Variants in TRPM7 observed in about 807,000 individuals in gnomAD.
TRPM7 encodes the protein transient receptor potential cation channel subfamily M member 7.
A neutral mutation model predicts 229.7 loss-of-function variants in TRPM7; 134 were observed. The observed-to-expected ratio is 0.58, with a 90% CI of 0.51 to 0.67. TRPM7 has a LOEUF of 0.67. Among genes scored for constraint, TRPM7 ranks in the 30% least tolerant of loss-of-function variants. The pLI is 0.00. For missense variants in TRPM7, 1,901 were observed against 2,210.0 expected, an observed-to-expected ratio of 0.86 and a Z score of 2.80; for synonymous variants, 699 against 715.2, an observed-to-expected ratio of 0.98 and a Z score of 0.36.
chr15:50,619,787 T>A lies in TRPM7; in HGVS notation c.1452A>T (p.Pro484=). 1 of 1,602,772 alleles carries A rather than the reference T, an allele frequency of 6.2e-7. No homozygotes were observed. The highest frequency in any genetic ancestry group is 1.1e-5 in the South Asian group (1 of 87,006). ...LEELYNTKQG[P]TNPMLFHLVR... is the part of the protein sequence containing the mutation. The stretch of plus-strand genomic sequence containing the variant: ...CAAGATGAAACAGCATTGGATTAGT[T>A]GGACCTTGTTTCTTTAGGGAGAAAA... The change falls in exon 13 of 39, where the codon CCA becomes CCT. Residue 484 remains proline, a synonymous_variant. Transcript: ENST00000646667.
intron 5 of TRPM7, among the ~76,000 whole-genome samples, chr15:50,640,486 A>C: frequency 7.3e-6 from 1 of 137,728 alleles, no homozygotes; most frequent in Admixed American, 7.5e-5. Flanking sequence ...GTGTCTTACC[A>C]TGTTGCCCAG....
At chr15:50,665,455 A>G (rs1443165737) in intron 1 of TRPM7, among the ~76,000 whole-genome samples, 1 of 152,056 alleles carries the variant, frequency 6.6e-6, no homozygotes, top group African/African-American at 2.4e-5. Flanking sequence ...CAAATTTCAG[A>G]CACTGGGTAT....
At chr15:50,648,621 C>G (rs2061334250) in intron 4 of TRPM7, 66 bp downstream of exon 4, 1 of 1,434,044 alleles carries the variant, frequency 7.0e-7, no homozygotes, top group Admixed American at 2.2e-5. Flanking sequence ...AATATTGCTA[C>G]ACAAATTGTG....
intron 11 of TRPM7, among the ~76,000 whole-genome samples, chr15:50,627,837 TAA>T (rs1367304200): frequency 6.6e-6 from 1 of 152,118 alleles, no homozygotes; most frequent in Non-Finnish European, 1.5e-5. Flanking sequence ...TGAGGAAGAC[TAA>T]AAAAGGAATA....
intron 38 of TRPM7, among the ~76,000 whole-genome samples, chr15:50,566,012 A>G (rs1047025503): frequency 6.6e-6 from 1 of 151,930 alleles, no homozygotes; most frequent in African/African-American, 2.4e-5. Context: ...TTTAGTAGAG[A>G]TGGGGTTTCA....
chr15:50,646,559 C>T (rs888246593), intron 4 of TRPM7, among the ~76,000 whole-genome samples: 1 of 152,194 alleles, frequency 6.6e-6, no homozygotes, highest in African/African-American at 2.4e-5. Flanking sequence ...GCTGAGATTA[C>T]AGGCATGAGC....
intron 36 of TRPM7, 97 bp from the exon 37 acceptor site, chr15:50,570,252 T>C (rs2053811019): frequency 4.7e-6 from 4 of 848,440 alleles, no homozygotes; most frequent in Middle Eastern, 3.5e-4. Flanking sequence ...AGAGATGTTA[T>C]AGTATCATCA....
chr15:50,632,584 C>T (rs1162241768), intron 9 of TRPM7, among the ~76,000 whole-genome samples: 1 of 152,132 alleles, frequency 6.6e-6, no homozygotes, highest in African/African-American at 2.4e-5. Flanking sequence ...TATAGTTCTT[C>T]CTTGGTACTG....
intron 4 of TRPM7, among the ~76,000 whole-genome samples, chr15:50,645,279 T>C (rs1161617546): frequency 6.6e-6 from 1 of 152,160 alleles, no homozygotes; most frequent in Non-Finnish European, 1.5e-5. Context: ...CGGGCTCAAG[T>C]GATCTGCCTG....
intron 38 of TRPM7, among the ~76,000 whole-genome samples, chr15:50,566,542 C>T (rs1408212318): frequency 6.6e-6 from 1 of 151,844 alleles, no homozygotes; most frequent in Admixed American, 6.6e-5. Context: ...CTAAAAGTAA[C>T]AAAATTAGCT....
intron 27 of TRPM7, among the ~76,000 whole-genome samples, chr15:50,588,501 G>T (rs2059400783): frequency 6.6e-6 from 1 of 152,090 alleles, no homozygotes; most frequent in Admixed American, 6.5e-5. Context: ...TATATGTAGG[G>T]TAGTAAGTAA....
chr15:50,683,924 A>C (rs1344750522), intron 1 of TRPM7, among the ~76,000 whole-genome samples: 3 of 151,598 alleles, frequency 2.0e-5, no homozygotes, highest in Non-Finnish European at 2.9e-5. Context: ...TGAATGGCGC[A>C]ATCTTGGCTC....
chr15:50,586,074 T>C (rs1416554969), intron 28 of TRPM7, among the ~76,000 whole-genome samples: 2 of 152,200 alleles, frequency 1.3e-5, no homozygotes, highest in African/African-American at 4.8e-5. Flanking sequence ...GAAAAATATG[T>C]TGAATAAGTG....
rs199758548 is a variant in TRPM7 at position 50,574,496 on chromosome 15, A to G, written c.5103-17T>C. On this transcript the variant is annotated splice_polypyrimidine_tract_variant and intron_variant, in intron 35 of 38. Coordinates refer to ENST00000646667, the MANE Select transcript of TRPM7 (RefSeq NM_017672.6). The stretch of plus-strand genomic sequence containing the variant: ...TCAAGGAACCTTATAAAAAATAGTT[A>G]TAAATATTACTAGCAGTTTTGTTAA... The G allele has an allele frequency of 6.3e-7, 1 of 1,592,502 alleles. No individual in the cohort carries two copies. The highest frequency in any genetic ancestry group is 2.3e-5 in the East Asian group (1 of 44,234).
At chr15:50,656,010 A>C (rs80280586) in intron 3 of TRPM7, among the ~76,000 whole-genome samples, 1 of 40,030 alleles carries the variant, frequency 2.5e-5, no homozygotes, top group Non-Finnish European at 7.7e-5. Flanking sequence ...AGAAAAAAAC[A>C]AAAAAAAAAA....
intron 38 of TRPM7, among the ~76,000 whole-genome samples, chr15:50,566,506 G>A (rs2053604655): frequency 1.3e-5 from 2 of 152,098 alleles, no homozygotes; most frequent in South Asian, 4.2e-4. Flanking sequence ...GACAATCCTG[G>A]CCAACATGGT....
chr15:50,648,836 G>C lies in TRPM7; in HGVS notation c.172C>G (p.Leu58Val). Residue 58 changes from leucine to valine, a missense_variant, in exon 4 of 39, where the codon CTT becomes GTT. Leu to Val is a conservative substitution (Grantham distance 32, BLOSUM62 1). Around this residue, in one of 8 missense-constraint regions of TRPM7, gnomAD observed 794 missense variants for 881.9 expected, o/e 0.90. Transcript: ENST00000646667. ...VKQHACFTAS[L>V]AMKYSDVKLG... is the part of the protein sequence containing the mutation. ...TTCACATCTGAGTATTTCATGGCAA[G>C]ACTTGCAGTAAAACAAGCATGTTGC... 1 of 1,612,690 alleles carries C rather than the reference G, an allele frequency of 6.2e-7. No homozygotes were observed. The highest frequency in any genetic ancestry group is 8.5e-7 in the Non-Finnish European group (1 of 1,179,234).
At chr15:50,633,752 A>C (rs1029379701) in intron 8 of TRPM7, among the ~76,000 whole-genome samples, 4 of 152,170 alleles carry the variant, frequency 2.6e-5, no homozygotes, top group African/African-American at 9.7e-5. Flanking sequence ...GAGTAGCTTT[A>C]AACATATATT....
intron 20 of TRPM7, 51 bp downstream of exon 20, chr15:50,607,134 CAAAACAAAACAGAAA>C: frequency 6.7e-7 from 1 of 1,493,032 alleles, no homozygotes; most frequent in Non-Finnish European, 9.1e-7. Flanking sequence ...ACACCCAAAA[CAAAACAAAACAGAAA>C]ATCTTCCATG....
Sources: allele counts gnomAD v4.1 joint callset (sites outside exome capture counted in the v4.1 genomes callset), GRCh38; gene constraint gnomAD v4.1.1; regional missense constraint gnomAD v4.1.1; transcripts MANE v1.5; gene names NCBI Gene and HGNC (gene_info 2026-07-23, HGNC 2026-07-21).